Variants in EPHA3 observed in about 807,000 individuals in gnomAD.
The protein encoded by EPHA3 is ephrin type-A receptor 3.
EPHA3 carries 42 observed loss-of-function variants against 107.1 expected under a neutral mutation model. The observed-to-expected ratio is 0.39, with a 90% CI of 0.31 to 0.51. The LOEUF (loss-of-function observed/expected upper bound fraction) is 0.51, where lower values mean the gene tolerates loss of function less well. EPHA3 is among the 20% of genes least tolerant of loss of function. EPHA3 has a pLI of 0.78. For missense variants in EPHA3, 1,183 were observed against 1,211.2 expected, an observed-to-expected ratio of 0.98 and a Z score of 0.35; for synonymous variants, 461 against 424.8, an observed-to-expected ratio of 1.09 and a Z score of -1.05.
At chr3:89,451,907 T>TTG (rs376043217) in intron 15 of EPHA3, among the ~76,000 whole-genome samples, 20 of 144,290 alleles carry the variant, frequency 1.4e-4, no homozygotes, top group Admixed American at 6.2e-4. Context: ...GTGTGTGTGT[T>TTG]TGTGTGTGTG....
chr3:89,426,609 A>G (rs1045817978), intron 11 of EPHA3, among the ~76,000 whole-genome samples: 5 of 151,774 alleles, frequency 3.3e-5, no homozygotes, highest in Non-Finnish European at 5.9e-5. Flanking sequence ...TTCCCTTCCC[A>G]AACATCCCAC....
chr3:89,334,091 C>A (rs1707347225), intron 3 of EPHA3, among the ~76,000 whole-genome samples: 1 of 152,096 alleles, frequency 6.6e-6, no homozygotes, highest in Non-Finnish European at 1.5e-5. Flanking sequence ...TCCAAACATT[C>A]TTCACAATGT....
intron 2 of EPHA3, among the ~76,000 whole-genome samples, chr3:89,203,621 C>CA (rs1343741372): frequency 3.3e-5 from 5 of 151,548 alleles, no homozygotes; most frequent in Admixed American, 2.0e-4. Flanking sequence ...AAAAAAAATA[C>CA]AAAAAATCAG....
At chr3:89,345,663 T>A (rs1226703121) in intron 5 of EPHA3, among the ~76,000 whole-genome samples, 1 of 147,986 alleles carries the variant, frequency 6.8e-6, no homozygotes, top group East Asian at 2.0e-4. Context: ...ATGTGCACAT[T>A]GTGCAGGTTA....
At chr3:89,417,612 T>C (rs1709273851) in intron 10 of EPHA3, among the ~76,000 whole-genome samples, 1 of 151,436 alleles carries the variant, frequency 6.6e-6, no homozygotes, top group African/African-American at 2.4e-5. Context: ...TTCTCATATC[T>C]AAATGGCATA....
intron 5 of EPHA3, among the ~76,000 whole-genome samples, chr3:89,365,067 A>C (rs1176051268): frequency 1.3e-5 from 2 of 150,930 alleles, no homozygotes; most frequent in Non-Finnish European, 3.0e-5. Flanking sequence ...TTACCTCAAC[A>C]TTTATTTAAC....
chr3:89,282,889 A>G (rs1288158883), intron 3 of EPHA3, among the ~76,000 whole-genome samples: 1 of 152,148 alleles, frequency 6.6e-6, no homozygotes, highest in African/African-American at 2.4e-5. Context: ...TGTTAACTGA[A>G]ACATGAATAA....
chr3:89,149,761 TA>T (rs1313126855), intron 2 of EPHA3, among the ~76,000 whole-genome samples: 1 of 151,684 alleles, frequency 6.6e-6, no homozygotes, highest in Non-Finnish European at 1.5e-5. Flanking sequence ...ATCTTTATAA[TA>T]TTTAAAAAGT....
At chr3:89,129,484 T>C (rs1424742748) in intron 2 of EPHA3, among the ~76,000 whole-genome samples, 2 of 152,070 alleles carry the variant, frequency 1.3e-5, no homozygotes, top group Non-Finnish European at 2.9e-5. Context: ...AATCAAATGA[T>C]GTGAATTATT....
chr3:89,171,801 T>C (rs557216133), intron 2 of EPHA3, among the ~76,000 whole-genome samples: 189 of 152,202 alleles, frequency 1.2e-3, no homozygotes, highest in Non-Finnish European at 2.2e-3. Flanking sequence ...GACTTAAAAC[T>C]CCTTTGAATC....
At chr3:89,333,893 T>A (rs896973139) in intron 3 of EPHA3, among the ~76,000 whole-genome samples, 54 of 151,410 alleles carry the variant, frequency 3.6e-4, no homozygotes, top group African/African-American at 1.3e-3. Flanking sequence ...AAAAAAAAAA[T>A]AAAAAACCTC....
chr3:89,283,149 CATT>C (rs1705989105), intron 3 of EPHA3, among the ~76,000 whole-genome samples: 1 of 152,012 alleles, frequency 6.6e-6, no homozygotes, highest in African/African-American at 2.4e-5. Flanking sequence ...TTTTAACTAT[CATT>C]ATGGGTAATG....
At chr3:89,287,803 G>C (rs373188416) in intron 3 of EPHA3, among the ~76,000 whole-genome samples, 2 of 152,088 alleles carry the variant, frequency 1.3e-5, no homozygotes, top group East Asian at 1.9e-4. Context: ...ACCCAAATAA[G>C]TGCTGAATTT....
intron 1 of EPHA3, among the ~76,000 whole-genome samples, chr3:89,113,485 C>CAAAAAAAAAAAAAAAAAAAA (rs753848304): frequency 3.2e-5 from 1 of 31,098 alleles, no homozygotes; most frequent in Non-Finnish European, 6.2e-5. Context: ...TTCCTTTGTA[C>CAAAAAAAAAAAAAAAAAAAA]AAAAAAAAAA....
At chr3:89,218,159 C>CT (rs538977995) in intron 3 of EPHA3, among the ~76,000 whole-genome samples, 202 of 151,676 alleles carry the variant, frequency 1.3e-3, no homozygotes, top group African/African-American at 4.8e-3. Flanking sequence ...TATTATTATG[C>CT]TTTAAGTTTT....
intron 16 of EPHA3, among the ~76,000 whole-genome samples, chr3:89,473,524 C>T (rs1710447155): frequency 6.6e-6 from 1 of 152,202 alleles, no homozygotes; most frequent in South Asian, 2.1e-4. Flanking sequence ...ATTTACTTCA[C>T]TTCCTAATGT....
At chr3:89,381,042 G>A (rs572530194) in intron 5 of EPHA3, among the ~76,000 whole-genome samples, 1 of 151,888 alleles carries the variant, frequency 6.6e-6, no homozygotes, top group East Asian at 2.0e-4. Context: ...GCGCCATCTC[G>A]GCTCACTGCA....
At chr3:89,157,869 A>C (rs1704841354) in intron 2 of EPHA3, among the ~76,000 whole-genome samples, 1 of 151,872 alleles carries the variant, frequency 6.6e-6, no homozygotes, top group South Asian at 2.1e-4. Context: ...AAAAGAAAAA[A>C]AAAAAGGGAA....
chr3:89,316,048 CACTCCTTGA>C (rs1706891291), intron 3 of EPHA3, among the ~76,000 whole-genome samples: 2 of 151,704 alleles, frequency 1.3e-5, no homozygotes, highest in African/African-American at 4.8e-5. Context: ...ATGTAAAAGG[CACTCCTTGA>C]AAAAATAACG....
Sources: allele counts gnomAD v4.1 joint callset (sites outside exome capture counted in the v4.1 genomes callset), GRCh38; gene constraint gnomAD v4.1.1; transcripts MANE v1.5; gene names NCBI Gene and HGNC (gene_info 2026-07-23, HGNC 2026-07-21).